MCTP1: variants seen among roughly 807,000 people sequenced by gnomAD.
The protein encoded by MCTP1 is multiple C2 and transmembrane domain containing 1.
In MCTP1, 69 loss-of-function variants were observed where a neutral mutation model predicts 120.6. The observed-to-expected ratio is 0.57, with a 90% CI of 0.47 to 0.70. The LOEUF (loss-of-function observed/expected upper bound fraction) is 0.70, where lower values mean the gene tolerates loss of function less well. Ranked by LOEUF, MCTP1 falls within the 30% of genes least tolerant of loss-of-function variation. The probability of loss-of-function intolerance (pLI) is 0.00; values close to 1 mark genes in which losing one functional copy is unlikely to be tolerated. For synonymous variants in MCTP1, 529 were observed against 493.1 expected (o/e 1.07, Z -0.96); for missense variants, 1,203 against 1,248.8 (o/e 0.96, Z 0.55).
At chr5:95,028,513 G>A (rs1388563800) in intron 1 of MCTP1, among the ~76,000 whole-genome samples, 1 of 151,936 alleles carries the variant, frequency 6.6e-6, no homozygotes, top group African/African-American at 2.4e-5. Flanking sequence ...GTCTTTTCTG[G>A]GACTCCCACA....
intron 19 of MCTP1, among the ~76,000 whole-genome samples, chr5:94,748,040 A>G (rs2152785161): frequency 6.6e-6 from 1 of 152,314 alleles, no homozygotes; most frequent in East Asian, 1.9e-4. Context: ...CAGCGAGCTG[A>G]GATTGTGCCA....
intron 21 of MCTP1, 28 bp from the exon 22 acceptor site, chr5:94,708,637 C>T (rs772564030): frequency 7.2e-7 from 1 of 1,394,242 alleles, no homozygotes; most frequent in South Asian, 1.2e-5. Flanking sequence ...TTAAACAAAG[C>T]ACATTTCTGA....
intron 2 of MCTP1, among the ~76,000 whole-genome samples, chr5:95,000,976 C>G (rs1833566648): frequency 6.6e-6 from 1 of 152,200 alleles, no homozygotes; most frequent in South Asian, 2.1e-4. Context: ...ATAATCCCCA[C>G]AAATCATGGA....
intron 1 of MCTP1, among the ~76,000 whole-genome samples, chr5:95,255,124 T>C (rs1757748352): frequency 6.6e-6 from 1 of 152,224 alleles, no homozygotes; most frequent in African/African-American, 2.4e-5. Context: ...CACTGTTCTA[T>C]TCCAAATTGA....
At chr5:95,053,319 C>T (rs1226121441) in intron 1 of MCTP1, among the ~76,000 whole-genome samples, 1 of 152,184 alleles carries the variant, frequency 6.6e-6, no homozygotes, top group East Asian at 1.9e-4. Context: ...GTAGACATAA[C>T]TCAAGGTATC....
In MCTP1 at chr5:95,115,691, G is replaced by A. The variant is rs569826205; in HGVS notation, c.721-98207C>T. Among the ~76,000 whole-genome samples, 38 of 152,178 alleles carry A rather than the reference G, an allele frequency of 2.5e-4. 1 individual carries two copies. The South Asian group carries it at 6.6e-3, about 27-fold the overall frequency. ...AGTTATTGGCCTTAAAGATGAGGTC[G>A]AGAAAGAGATAGAGGTAGAAAGTTT... On this transcript the variant is annotated intron_variant, in intron 1 of 22. Transcript: ENST00000515393.
chr5:94,731,024 A>G (rs924438069), intron 19 of MCTP1, among the ~76,000 whole-genome samples: 1 of 152,148 alleles, frequency 6.6e-6, no homozygotes, highest in African/African-American at 2.4e-5. Flanking sequence ...GAAGACCTTC[A>G]CTAGGAAGGA....
At chr5:95,257,806 C>CACACACACACACACACAG (rs1758049674) in intron 1 of MCTP1, among the ~76,000 whole-genome samples, 1 of 151,492 alleles carries the variant, frequency 6.6e-6, no homozygotes, top group African/African-American at 2.4e-5. Context: ...TACACACACA[C>CACACACACACACACACAG]ACACACACAC....
chr5:95,043,108 G>A (rs891083829), intron 1 of MCTP1, among the ~76,000 whole-genome samples: 5 of 152,074 alleles, frequency 3.3e-5, no homozygotes, highest in South Asian at 2.1e-4. Flanking sequence ...ACATTCCTAC[G>A]GACAGTGAGT....
intron 19 of MCTP1, among the ~76,000 whole-genome samples, chr5:94,759,754 TTAAC>T (rs1770829043): frequency 6.6e-6 from 1 of 152,168 alleles, no homozygotes; most frequent in South Asian, 2.1e-4. Context: ...TTAAATGCCA[TTAAC>T]TATCAATGAA....
chr5:95,157,404 T>C (rs181317761), intron 1 of MCTP1, among the ~76,000 whole-genome samples: 242 of 152,258 alleles, frequency 1.6e-3, no homozygotes, highest in Middle Eastern at 0.01. Flanking sequence ...ATGAATTCAC[T>C]TGCACTGACC....
intron 1 of MCTP1, among the ~76,000 whole-genome samples, chr5:95,228,922 T>C (rs1009805419): frequency 2.6e-5 from 4 of 152,218 alleles, no homozygotes; most frequent in Non-Finnish European, 2.9e-5. Flanking sequence ...TCATGCTTCC[T>C]GTACAGCGTG....
At position 95,095,849 on chromosome 5, in the gene MCTP1, T is replaced by C. The variant is rs183426170; in HGVS notation, c.721-78365A>G. Among the ~76,000 whole-genome samples, 5 of 152,088 alleles carry C rather than the reference T, an allele frequency of 3.3e-5. No homozygotes were observed. The East Asian group carries it at 5.8e-4, about 18-fold the overall frequency. ...CCCATCAAAGAAACGAACTGATACA[T>C]AGGACGAAGGAGTAGGCGGTGACCG... On this transcript the variant is annotated intron_variant, in intron 1 of 22. Transcript: ENST00000515393.
chr5:95,221,843 C>G (rs1397557844), intron 1 of MCTP1, among the ~76,000 whole-genome samples: 1 of 152,106 alleles, frequency 6.6e-6, no homozygotes, highest in Non-Finnish European at 1.5e-5. Context: ...CACTGAAGTC[C>G]AACACATGAA....
At chr5:94,710,435 T>TCCACAAGATAAAATACAA (rs1561505916) in intron 21 of MCTP1, 1 of 195,494 alleles carries the variant, frequency 5.1e-6, no homozygotes, top group African/African-American at 2.4e-5. Flanking sequence ...TTACATATAT[T>TCCACAAGATAAAATACAA]CCACAAGATA....
chr5:94,929,742 T>A, intron 6 of MCTP1: 1 of 929,174 alleles, frequency 1.1e-6, no homozygotes, highest in Non-Finnish European at 1.3e-6. Context: ...TGTCAAACTT[T>A]CCCCCGATTT....
intron 12 of MCTP1, among the ~76,000 whole-genome samples, chr5:94,879,389 C>T (rs975893116): frequency 7.2e-5 from 11 of 152,006 alleles, no homozygotes; most frequent in South Asian, 2.1e-4. Context: ...CTACCAAACA[C>T]CAGTATGCTC....
chr5:94,921,868 G>A (rs1009536922), intron 7 of MCTP1, among the ~76,000 whole-genome samples: 10 of 152,090 alleles, frequency 6.6e-5, no homozygotes, highest in Admixed American at 5.9e-4. Context: ...AAAATAACAG[G>A]CTAAGGAACA....
intron 19 of MCTP1, among the ~76,000 whole-genome samples, chr5:94,738,892 C>T (rs1161561213): frequency 6.6e-6 from 1 of 152,216 alleles, no homozygotes; most frequent in South Asian, 2.1e-4. Context: ...TTTCATTATT[C>T]TGATCTTTTA....
Sources: allele counts gnomAD v4.1 joint callset (sites outside exome capture counted in the v4.1 genomes callset), GRCh38; gene constraint gnomAD v4.1.1; transcripts MANE v1.5; gene names NCBI Gene and HGNC (gene_info 2026-07-23, HGNC 2026-07-21).